The following LPAR1 variants were observed in gnomAD, a reference collection of about 807,000 sequenced individuals.
LPAR1 encodes lysophosphatidic acid receptor 1.
A neutral mutation model predicts 23.8 loss-of-function variants in LPAR1; 5 were observed. That is an observed-to-expected ratio of 0.21 (90% confidence interval 0.11 to 0.44). LPAR1 has a LOEUF of 0.44. Ranked by LOEUF, LPAR1 falls within the 20% of genes least tolerant of loss-of-function variation. The pLI, the probability that LPAR1 is intolerant of heterozygous loss-of-function variation, is 0.99. For synonymous variants in LPAR1, 160 were observed against 164.7 expected (o/e 0.97, Z 0.22); for missense variants, 311 against 482.8 (o/e 0.64, Z 3.33).
At chr9:110,964,378 G>A (rs1309424431) in intron 4 of LPAR1, among the ~76,000 whole-genome samples, 1 of 152,184 alleles carries the variant, frequency 6.6e-6, no homozygotes, top group South Asian at 2.1e-4. Flanking sequence ...AGTATCAAGT[G>A]ATATTAAGGA....
intron 2 of LPAR1, among the ~76,000 whole-genome samples, chr9:111,021,963 C>CAAAAA (rs3030187): frequency 1.4e-5 from 1 of 69,840 alleles, no homozygotes; most frequent in Non-Finnish European, 2.5e-5. Flanking sequence ...GACTCCGTCA[C>CAAAAA]AAAAAAAAAA....
chr9:110,883,902 ATT>A (rs1415234126), intron 5 of LPAR1, among the ~76,000 whole-genome samples: 1 of 151,992 alleles, frequency 6.6e-6, no homozygotes, highest in East Asian at 1.9e-4. Context: ...TAGGTGGCAC[ATT>A]GTTTCTTCTA....
chr9:110,891,830 C>T (rs1237575976), intron 5 of LPAR1, among the ~76,000 whole-genome samples: 1 of 152,150 alleles, frequency 6.6e-6, no homozygotes, highest in Non-Finnish European at 1.5e-5. Flanking sequence ...CAAATTAAAT[C>T]CACAATGAGA....
intron 2 of LPAR1, among the ~76,000 whole-genome samples, chr9:111,018,275 C>T (rs910054683): frequency 3.9e-5 from 6 of 152,196 alleles, no homozygotes; most frequent in African/African-American, 1.4e-4. Flanking sequence ...AAGTTTTTCT[C>T]AAACTCTGCT....
rs551871519 is a variant in LPAR1 at position 110,960,645 on chromosome 9, A to T, written c.45+11428T>A. Among the ~76,000 whole-genome samples the T allele has an allele frequency of 3.0e-4, 45 of 152,296 alleles. 1 individual carries two copies. In the South Asian group the frequency reaches 8.7e-3, roughly 29 times the overall value. ...CATTTCATTTTGCTTAATTTTTTTTAAAAAAGGAAAGAAAGAAATTGAATT... is the reference window on the plus strand; with the variant it reads ...CATTTCATTTTGCTTAATTTTTTTTTAAAAAGGAAAGAAAGAAATTGAATT... On this transcript the variant is annotated intron_variant, in intron 4 of 5. Transcript: ENST00000683809.
chr9:111,022,975 C>T (rs1338145419), intron 2 of LPAR1, among the ~76,000 whole-genome samples: 3 of 147,316 alleles, frequency 2.0e-5, no homozygotes, highest in Non-Finnish European at 4.4e-5. Flanking sequence ...ATGGCGTGCC[C>T]GGCAAGCAGA....
intron 4 of LPAR1, among the ~76,000 whole-genome samples, chr9:110,950,637 A>T (rs143519417): frequency 6.6e-6 from 1 of 152,140 alleles, no homozygotes; most frequent in Non-Finnish European, 1.5e-5. Flanking sequence ...TCCTATAAAA[A>T]TACCAGAAAA....
chr9:110,975,180 C>T (rs1295506421), intron 2 of LPAR1, among the ~76,000 whole-genome samples: 1 of 152,038 alleles, frequency 6.6e-6, no homozygotes, highest in Non-Finnish European at 1.5e-5. Context: ...GCAATATAAC[C>T]TTAAAATATT....
At chr9:110,957,010 G>T (rs2095780607) in intron 4 of LPAR1, among the ~76,000 whole-genome samples, 1 of 152,108 alleles carries the variant, frequency 6.6e-6, no homozygotes, top group Admixed American at 6.6e-5. Flanking sequence ...TATCCCAGAT[G>T]AACATAGATG....
At chr9:110,947,319 A>C (rs2095416927) in intron 4 of LPAR1, among the ~76,000 whole-genome samples, 1 of 152,212 alleles carries the variant, frequency 6.6e-6, no homozygotes, top group Non-Finnish European at 1.5e-5. Flanking sequence ...CTGCCCAAGA[A>C]ACAAAAACAT....
intron 2 of LPAR1, among the ~76,000 whole-genome samples, chr9:111,028,484 T>C (rs1401930978): frequency 6.6e-6 from 1 of 152,166 alleles, no homozygotes; most frequent in African/African-American, 2.4e-5. Flanking sequence ...TTGAAATGAG[T>C]ATAATTTAAA....
chr9:111,024,451 T>A (rs1248471226), intron 2 of LPAR1, among the ~76,000 whole-genome samples: 3 of 147,524 alleles, frequency 2.0e-5, no homozygotes, highest in Non-Finnish European at 4.5e-5. Flanking sequence ...TTTATATATT[T>A]TTATATATAC....
chr9:110,999,132 C>G (rs1281302711), intron 2 of LPAR1, among the ~76,000 whole-genome samples: 1 of 152,136 alleles, frequency 6.6e-6, no homozygotes, highest in Non-Finnish European at 1.5e-5. Flanking sequence ...AAAGTGACTT[C>G]TGAATAAAGA....
chr9:111,027,601 C>T (rs1475099996), intron 2 of LPAR1, among the ~76,000 whole-genome samples: 1 of 151,762 alleles, frequency 6.6e-6, no homozygotes, highest in African/African-American at 2.4e-5. Context: ...AAGAAAAGTG[C>T]AATGGAGAAG....
intron 5 of LPAR1, among the ~76,000 whole-genome samples, chr9:110,890,470 G>A (rs2083764051): frequency 6.6e-6 from 1 of 151,726 alleles, no homozygotes; most frequent in Non-Finnish European, 1.5e-5. Context: ...TAAAAAAATA[G>A]ACAAAACAAA....
At chr9:111,031,215 A>G (rs964199068) in intron 2 of LPAR1, among the ~76,000 whole-genome samples, 1 of 152,092 alleles carries the variant, frequency 6.6e-6, no homozygotes, top group Non-Finnish European at 1.5e-5. Flanking sequence ...CTTCAAGATC[A>G]TAAGTGAAAT....
chr9:110,892,330 C>A (rs1219595972), intron 5 of LPAR1, among the ~76,000 whole-genome samples: 1 of 152,174 alleles, frequency 6.6e-6, no homozygotes, highest in Non-Finnish European at 1.5e-5. Flanking sequence ...AAGGCCAGCA[C>A]CAACTATCTT....
At chr9:110,963,699 A>T (rs1342713413) in intron 4 of LPAR1, among the ~76,000 whole-genome samples, 3 of 152,202 alleles carry the variant, frequency 2.0e-5, no homozygotes, top group Non-Finnish European at 4.4e-5. Context: ...CAGACTAATC[A>T]TGGGGAAAAG....
intron 4 of LPAR1, among the ~76,000 whole-genome samples, chr9:110,950,310 C>T (rs564197891): frequency 2.6e-5 from 4 of 151,772 alleles, no homozygotes; most frequent in South Asian, 2.1e-4. Context: ...AATAAAAATA[C>T]GAAATTTAGC....
Sources: gnomAD v4.1 joint callset for allele counts (sites outside exome capture counted in the v4.1 genomes callset) on GRCh38, gnomAD v4.1.1 for gene constraint, MANE v1.5 for transcripts, NCBI Gene and HGNC (gene_info 2026-07-23, HGNC 2026-07-21) for gene names.